The following ERVV-2 variants were observed in gnomAD, a reference collection of about 807,000 sequenced individuals.
ERVV-2 encodes the protein endogenous retrovirus group V member 2, envelope, also known as endogenous retrovirus group V member 2 Env polyprotein.
For synonymous variants in ERVV-2, 105 were observed against 184.6 expected, an observed-to-expected ratio of 0.57 and a Z score of 3.49; for missense variants, 291 against 495.1, an observed-to-expected ratio of 0.59 and a Z score of 3.91.
chr19:53,047,700 A>C (rs1172527297), intron 1 of ERVV-2, among the ~76,000 whole-genome samples: 2 of 152,210 alleles, frequency 1.3e-5, no homozygotes, highest in Non-Finnish European at 2.9e-5. Context: ...CCTGACCTTC[A>C]TGAGTCACCA....
At chr19:53,045,750 C>T (rs112075564) in intron 1 of ERVV-2, among the ~76,000 whole-genome samples, 3 of 152,122 alleles carry the variant, frequency 2.0e-5, no homozygotes, top group East Asian at 1.9e-4. Flanking sequence ...CTCTCCTCGC[C>T]GCAGGGATTT....
At chr19:53,045,600 G>T (rs1304600731) in intron 1 of ERVV-2, among the ~76,000 whole-genome samples, 1 of 151,872 alleles carries the variant, frequency 6.6e-6, no homozygotes, top group South Asian at 2.1e-4. Flanking sequence ...TGCGACCGGC[G>T]CATATCTTTT....
chr19:53,048,675 CAAAAAAA>C (rs34725225), intron 1 of ERVV-2, among the ~76,000 whole-genome samples, 185 bp from the exon 2 acceptor site: 3 of 92,218 alleles, frequency 3.3e-5, no homozygotes, highest in African/African-American at 4.5e-5. Context: ...AATTCCATCT[CAAAAAAA>C]AAAAAAAAAA....
At position 53,051,438 on chromosome 19, in the gene ERVV-2, G is replaced by C. The variant is rs867458894; in HGVS notation, c.*579G>C. 2.0e-5 allele frequency among the ~76,000 whole-genome samples: 3 copies of C among 151,938 alleles called. No homozygotes were observed. Among genetic ancestry groups the C allele is most frequent in the African/African-American group, 7.3e-5 (3 of 41,342 alleles). On this transcript the variant is annotated 3_prime_UTR_variant, in exon 2 of 2. Coordinates refer to ENST00000601417, the MANE Select transcript of ERVV-2 (RefSeq NM_001191055.2). Reference sequence around the variant, plus strand: ...TGGGATTATAGACGTGAGCCACTGCGCCTGGCTACTCAGAACGCTTCTGAA... The same window carrying C: ...TGGGATTATAGACGTGAGCCACTGCCCCTGGCTACTCAGAACGCTTCTGAA...
intron 1 of ERVV-2, among the ~76,000 whole-genome samples, chr19:53,047,158 CA>C (rs34952212): frequency 6.8e-4 from 96 of 141,866 alleles, no homozygotes; most frequent in Admixed American, 1.4e-3. Flanking sequence ...GACTCCATGT[CA>C]AAAAAAAAAA....
chr19:53,045,443 C>T (rs921032270), intron 1 of ERVV-2, among the ~76,000 whole-genome samples: 13 of 152,116 alleles, frequency 8.5e-5, no homozygotes, highest in African/African-American at 3.1e-4. Flanking sequence ...GCAGGGACTA[C>T]AGGCGTGTGC....
At position 53,049,121 on chromosome 19, in the gene ERVV-2, T is replaced by A; in HGVS notation, c.-131T>A. 1.1e-6 allele frequency: 1 copy of A among 876,814 alleles called. No homozygotes were observed. Among genetic ancestry groups the A allele is most frequent in the Non-Finnish European group, 1.7e-6 (1 of 581,608 alleles). The allele number at this position is 876,814 out of a possible 1,614,324, so 54.3% of individuals were successfully genotyped here. On this transcript the variant is annotated 5_prime_UTR_variant, in exon 2 of 2. Coordinates refer to ENST00000601417, the MANE Select transcript of ERVV-2 (RefSeq NM_001191055.2). ...GTTCTTCTCCTTATTTTGACCCAAC[T>A]GGCATGCCACCTGAAGTCCCGATAA...
chr19:53,050,348 G>A lies in ERVV-2; in HGVS notation c.1097G>A (p.Ser366Asn), dbSNP rs981559037. The A allele has an allele frequency of 2.8e-6, 2 of 722,478 alleles. No homozygotes were observed. The highest frequency in any genetic ancestry group is 2.0e-5 in the Admixed American group (1 of 49,796). 44.8% of individuals were successfully genotyped at this position (722,478 alleles called of 1,614,324 possible). A position where few individuals can be genotyped will look rare whatever the true frequency, so the allele number is the denominator to read the frequency against. ...IDNIAKSTRDSISKLKASIDS... is the reference protein window; with the variant it reads ...IDNIAKSTRDNISKLKASIDS... ...AACATAGCTAAGAGTACCAGAGATA[G>A]CATCTCTAAACTCAAGGCCTCCATA... The change falls in exon 2 of 2, where the codon AGC (serine) becomes AAC (asparagine). Residue 366 changes from serine (S) to asparagine (N), a missense_variant. Ser to Asn is a conservative substitution (Grantham distance 46, BLOSUM62 1). Transcript: ENST00000601417.
In ERVV-2 at chr19:53,050,952, C is replaced by G. The variant is rs1385850054; in HGVS notation, c.*93C>G. 1.7e-6 allele frequency: 2 copies of G among 1,208,520 alleles called. No individual in the cohort carries two copies. Among genetic ancestry groups the G allele is most frequent in the South Asian group, 1.6e-5 (1 of 61,680 alleles). 74.9% of individuals were successfully genotyped at this position (1,208,520 alleles called of 1,614,324 possible). On this transcript the variant is annotated 3_prime_UTR_variant, in exon 2 of 2. Transcript: ENST00000601417. ...ACCCACGACGTCCTTACAACCAGAG[C>G]TTTTCAGGGTCTCCATCTCTTGAGG...
intron 1 of ERVV-2, among the ~76,000 whole-genome samples, chr19:53,045,837 C>T (rs762158470): frequency 1.4e-4 from 22 of 152,132 alleles, no homozygotes; most frequent in Non-Finnish European, 2.6e-4. Context: ...TTCACTCAGG[C>T]GCCAGAGTCC....
rs1258293132 is a variant in ERVV-2, at chr19:53,050,684, T to G, written c.1433T>G (p.Phe478Cys). Residue 478 changes from phenylalanine to cysteine, a missense_variant, in exon 2 of 2, where the codon TTT becomes TGT. Phe to Cys is a radical substitution (Grantham distance 205). Coordinates refer to ENST00000601417, the MANE Select transcript of ERVV-2 (RefSeq NM_001191055.2). ...LLLFLFGPCF[F>C]NLLIKCVSSR... ...CTTTTCCTCTTTGGCCCTTGTTTCT[T>G]TAATTTACTGATTAAGTGTGTCTCT... The G allele has an allele frequency of 6.5e-7, 1 of 1,527,098 alleles. No individual in the cohort carries two copies. Among genetic ancestry groups the G allele is most frequent in the South Asian group, 1.2e-5 (1 of 83,904 alleles). 94.6% of individuals were successfully genotyped at this position (1,527,098 alleles called of 1,614,324 possible).
rs1237432868 is a variant in ERVV-2, at chr19:53,045,543, C to T, written c.-386+585C>T. 2.6e-5 allele frequency among the ~76,000 whole-genome samples: 4 copies of T among 152,126 alleles called. No individual in the cohort carries two copies. In the East Asian group the frequency reaches 5.8e-4, roughly 22 times the overall value. ...GTCTCGAACTCCTGACCTCGTGATCCGCCCACCTCGGCCTCCCAAACTGCT... is the reference window on the plus strand; with the variant it reads ...GTCTCGAACTCCTGACCTCGTGATCTGCCCACCTCGGCCTCCCAAACTGCT... On this transcript the variant is annotated intron_variant, in intron 1 of 1. Coordinates refer to ENST00000601417, the MANE Select transcript of ERVV-2 (RefSeq NM_001191055.2).
chr19:53,045,355 C>T (rs7256134), intron 1 of ERVV-2, among the ~76,000 whole-genome samples: 131,845 of 151,764 alleles, frequency 0.87, 57,522 homozygotes, highest in African/African-American at 0.91. Flanking sequence ...CAGGCTGGAG[C>T]GCAGTGGTGT....
rs2083902843 is a variant in ERVV-2, at chr19:53,049,323, T to G, written c.72T>G (p.Asn24Lys). ...PMPLLSQAQW[N>K]ENSLVSFSKI... ...CCCTACTCTCACAGGCACAGTGGAATGAAAATTCCCTTGTCAGTTTTTCCA... is the reference window on the plus strand; with the variant it reads ...CCCTACTCTCACAGGCACAGTGGAAGGAAAATTCCCTTGTCAGTTTTTCCA... The change falls in exon 2 of 2, where the codon AAT (asparagine) becomes AAG (lysine). Residue 24 changes from asparagine (N) to lysine (K), a missense_variant. Asn to Lys is a moderately conservative substitution (Grantham distance 94). Transcript: ENST00000601417. 9.5e-7 allele frequency: 1 copy of G among 1,052,216 alleles called. No homozygotes were observed. Among genetic ancestry groups the G allele is most frequent in the East Asian group, 2.6e-5 (1 of 38,260 alleles). The allele number at this position is 1,052,216 out of a possible 1,614,324, so 65.2% of individuals were successfully genotyped here.
chr19:53,050,459 A>C lies in ERVV-2; in HGVS notation c.1208A>C (p.Asn403Thr), dbSNP rs377417317. Residue 403 changes from asparagine to threonine, a missense_variant, in exon 2 of 2, where the codon AAT becomes ACT. Asn to Thr is a moderately conservative substitution (Grantham distance 65). Coordinates refer to ENST00000601417, the MANE Select transcript of ERVV-2 (RefSeq NM_001191055.2). Reference protein sequence around the residue: ...AEQGGVCAVINKSCCVYVNNS... With the variant: ...AEQGGVCAVITKSCCVYVNNS... ...CAGGGTGGAGTCTGTGCAGTGATCA[A>C]TAAATCCTGTTGCGTTTATGTCAAT... 1 of 723,992 alleles carries C rather than the reference A, an allele frequency of 1.4e-6. No individual in the cohort carries two copies. The allele number at this position is 723,992 out of a possible 1,614,324, so 44.8% of individuals were successfully genotyped here. A position where few individuals can be genotyped will look rare whatever the true frequency, so the allele number is the denominator to read the frequency against.
In ERVV-2 at chr19:53,051,136, CTTTTTTTTTTTTTT is replaced by C. The variant is rs57887970; in HGVS notation, c.*292_*305del. On this transcript the variant is annotated 3_prime_UTR_variant, in exon 2 of 2. Transcript: ENST00000601417. Reference sequence around the variant, plus strand: ...TAACCCATCCTAGAACAGCCTTTTGCTTTTTTTTTTTTTTTTTTTTTTTTTTTTGAGACAAGTTC... The same window carrying C: ...TAACCCATCCTAGAACAGCCTTTTGCTTTTTTTTTTTTTTGAGACAAGTTC... 2.4e-3 allele frequency: 266 copies of C among 111,152 alleles called. No individual in the cohort carries two copies. Among genetic ancestry groups the C allele is most frequent in the South Asian group, 3.2e-3 (13 of 4,012 alleles). The allele number at this position is 111,152 out of a possible 1,614,324, so 6.9% of individuals were successfully genotyped here. A position where few individuals can be genotyped will look rare whatever the true frequency, so the allele number is the denominator to read the frequency against.
At position 53,051,266 on chromosome 19, in the gene ERVV-2, C is replaced by T. The variant is rs1308980495; in HGVS notation, c.*407C>T. Among the ~76,000 whole-genome samples, 2 of 150,294 alleles carry T rather than the reference C, an allele frequency of 1.3e-5. No homozygotes were observed. Among genetic ancestry groups the T allele is most frequent in the African/African-American group, 2.4e-5 (1 of 40,888 alleles). On this transcript the variant is annotated 3_prime_UTR_variant, in exon 2 of 2. Coordinates refer to ENST00000601417, the MANE Select transcript of ERVV-2 (RefSeq NM_001191055.2). Reference sequence around the variant, plus strand: ...GGTTCAATTGATTCTCCTGTTTCAGCCTCCTCAGTAGCTGGGACTACAGGC... The same window carrying T: ...GGTTCAATTGATTCTCCTGTTTCAGTCTCCTCAGTAGCTGGGACTACAGGC...
Position 53,050,999 on chromosome 19 carries a change from G to A in ERVV-2, c.*140G>A. On this transcript the variant is annotated 3_prime_UTR_variant, in exon 2 of 2. Coordinates refer to ENST00000601417, the MANE Select transcript of ERVV-2 (RefSeq NM_001191055.2). ...GAGGAGGGAAATATTAGGGTAGGCA[G>A]GTAGGCAGGCATGAGCAGGCAAGAG... 9.1e-6 allele frequency: 7 copies of A among 767,408 alleles called. No homozygotes were observed. The highest frequency in any genetic ancestry group is 1.4e-5 in the Non-Finnish European group (7 of 506,378). 47.5% of individuals were successfully genotyped at this position (767,408 alleles called of 1,614,324 possible). A position where few individuals can be genotyped will look rare whatever the true frequency, so the allele number is the denominator to read the frequency against.
intron 1 of ERVV-2, 136 bp downstream of exon 1, chr19:53,045,094 A>T (rs1264143524): frequency 2.0e-5 from 3 of 152,236 alleles, no homozygotes; most frequent in South Asian, 2.1e-4. Flanking sequence ...CTGTTCACTA[A>T]CGACTGCCCA....
Sources: allele counts gnomAD v4.1 joint callset (sites outside exome capture counted in the v4.1 genomes callset), GRCh38; gene constraint gnomAD v4.1.1; transcripts MANE v1.5; gene names NCBI Gene and HGNC (gene_info 2026-07-23, HGNC 2026-07-21).